Variants in GLI2 observed in about 807,000 individuals in gnomAD.
GLI2 encodes transcription activator GLI2.
A neutral mutation model predicts 78.9 loss-of-function variants in GLI2; 22 were observed. That is an observed-to-expected ratio of 0.28 (90% CI 0.20 to 0.40). The LOEUF (loss-of-function observed/expected upper bound fraction) is 0.40, where lower values mean the gene tolerates loss of function less well. Among genes scored for constraint, GLI2 ranks in the 10% least tolerant of loss-of-function variants. The pLI, the probability that GLI2 is intolerant of heterozygous loss-of-function variation, is 1.00. For missense variants in GLI2, 2,097 were observed against 2,213.2 expected (o/e 0.95, Z 1.05); for synonymous variants, 974 against 963.7 (o/e 1.01, Z -0.20).
chr2:120,944,556 C>T (rs370024305), intron 3 of GLI2, among the ~76,000 whole-genome samples: 2 of 152,226 alleles, frequency 1.3e-5, no homozygotes, highest in South Asian at 4.1e-4. Flanking sequence ...TGGGGATCAG[C>T]TGAAATTAGG....
At chr2:120,837,101 A>T (rs951776220) in intron 2 of GLI2, among the ~76,000 whole-genome samples, 3 of 152,210 alleles carry the variant, frequency 2.0e-5, no homozygotes, top group African/African-American at 7.2e-5. Context: ...AATCTTAAAA[A>T]TCTTAATCTT....
At chr2:120,872,588 C>A (rs528015616) in intron 2 of GLI2, among the ~76,000 whole-genome samples, 41 of 152,340 alleles carry the variant, frequency 2.7e-4, no homozygotes, top group Non-Finnish European at 5.9e-5. Context: ...CTGGAAGAGT[C>A]CACAGGGAAG....
intron 3 of GLI2, among the ~76,000 whole-genome samples, 197 bp downstream of exon 3, chr2:120,927,663 C>T (rs1223493639): frequency 6.6e-6 from 1 of 152,226 alleles, no homozygotes; most frequent in Non-Finnish European, 1.5e-5. Context: ...AGTGTATAAA[C>T]ACCAACCACC....
At chr2:120,860,408 C>G (rs1036213588) in intron 2 of GLI2, among the ~76,000 whole-genome samples, 2 of 152,172 alleles carry the variant, frequency 1.3e-5, no homozygotes, top group African/African-American at 4.8e-5. Flanking sequence ...TCTCAGGCCC[C>G]CAACACAGGC....
intron 3 of GLI2, among the ~76,000 whole-genome samples, chr2:120,935,715 C>A (rs529935669): frequency 2.0e-5 from 3 of 152,212 alleles, no homozygotes; most frequent in Non-Finnish European, 4.4e-5. Flanking sequence ...TTTGACCCCC[C>A]ACCCCTTGCT....
chr2:120,912,706 C>T (rs557411658), intron 2 of GLI2, among the ~76,000 whole-genome samples: 35 of 152,184 alleles, frequency 2.3e-4, no homozygotes, highest in Non-Finnish European at 4.3e-4. Flanking sequence ...CTCATGACCC[C>T]GGCATGGGCT....
intron 1 of GLI2, among the ~76,000 whole-genome samples, chr2:120,749,914 G>C (rs1682813258): frequency 6.6e-6 from 1 of 152,214 alleles, no homozygotes; most frequent in Non-Finnish European, 1.5e-5. Context: ...GATGCAGTCA[G>C]TATTATCACT....
chr2:120,838,081 T>A (rs1686700588), intron 2 of GLI2, among the ~76,000 whole-genome samples: 1 of 152,238 alleles, frequency 6.6e-6, no homozygotes, highest in African/African-American at 2.4e-5. Context: ...AAGATTGCCA[T>A]CTTTGTCATT....
intron 2 of GLI2, among the ~76,000 whole-genome samples, chr2:120,812,901 G>A (rs1685322946): frequency 1.3e-5 from 2 of 152,210 alleles, no homozygotes; most frequent in East Asian, 3.9e-4. Context: ...GTGAGGGCGA[G>A]AGTCTTCTCT....
rs372740091 is a variant in GLI2, at chr2:120,990,682, G to A, written c.*7G>A. On this transcript the variant is annotated 3_prime_UTR_variant, in exon 14 of 14. Coordinates refer to ENST00000361492, the MANE Select transcript of GLI2 (RefSeq NM_001374353.1). ...CCTGAACATGATGACCTAGAGGCCC[G>A]AGCGCCTGGTGCTGAGTGCACCCGG... The A allele has an allele frequency of 4.2e-5, 67 of 1,609,388 alleles. No homozygotes were observed. The highest frequency in any genetic ancestry group is 1.6e-4 in the Middle Eastern group (1 of 6,076).
intron 2 of GLI2, among the ~76,000 whole-genome samples, chr2:120,906,728 G>A (rs1454001665): frequency 6.6e-6 from 1 of 152,052 alleles, no homozygotes; most frequent in Non-Finnish European, 1.5e-5. Flanking sequence ...CCTCAAAACA[G>A]GCCTTCTCCC....
At chr2:120,748,557 G>A (rs889170493) in intron 1 of GLI2, among the ~76,000 whole-genome samples, 3 of 152,176 alleles carry the variant, frequency 2.0e-5, no homozygotes, top group Non-Finnish European at 2.9e-5. Flanking sequence ...CCTCCAAGGG[G>A]TGGCTTTGTG....
intron 2 of GLI2, among the ~76,000 whole-genome samples, chr2:120,926,024 G>A (rs1450403686): frequency 8.7e-6 from 1 of 115,088 alleles, no homozygotes; most frequent in Non-Finnish European, 1.6e-5. Context: ...AGTGAGCCGA[G>A]ATCGCTCCAC....
intron 2 of GLI2, among the ~76,000 whole-genome samples, chr2:120,893,579 C>T (rs1677785199): frequency 6.8e-6 from 1 of 147,938 alleles, no homozygotes; most frequent in Non-Finnish European, 1.5e-5. Flanking sequence ...CAGAGCCGGC[C>T]AAGAATGAGT....
chr2:120,842,666 G>T (rs1033792613), intron 2 of GLI2, among the ~76,000 whole-genome samples: 1 of 152,216 alleles, frequency 6.6e-6, no homozygotes, highest in Non-Finnish European at 1.5e-5. Flanking sequence ...CCCACATGGC[G>T]TGGGCTGGCC....
At chr2:120,916,831 A>G (rs1255628237) in intron 2 of GLI2, among the ~76,000 whole-genome samples, 1 of 152,186 alleles carries the variant, frequency 6.6e-6, no homozygotes, top group African/African-American at 2.4e-5. Context: ...TGTGTATGTC[A>G]AGGCCATATT....
chr2:120,983,936 TG>T (rs893041424), intron 11 of GLI2, among the ~76,000 whole-genome samples: 7 of 89,558 alleles, frequency 7.8e-5, no homozygotes, highest in African/African-American at 2.3e-4. Context: ...TCTGTAGACG[TG>T]GTGTGTGGGG....
intron 3 of GLI2, among the ~76,000 whole-genome samples, chr2:120,935,788 G>A (rs762198210): frequency 3.3e-5 from 5 of 152,196 alleles, no homozygotes; most frequent in African/African-American, 7.2e-5. Flanking sequence ...GCTGGGCTGC[G>A]TGGGACAGAC....
In GLI2 at chr2:120,989,932, G is replaced by C. The variant is rs759453086; in HGVS notation, c.3967G>C (p.Val1323Leu). 1.9e-5 allele frequency: 31 copies of C among 1,611,870 alleles called. No homozygotes were observed. The Admixed American group carries it at 2.7e-4, about 14-fold the overall frequency. The change falls in exon 14 of 14, where the codon GTC becomes CTC. Residue 1323 changes from valine to leucine, a missense_variant. Transcript: ENST00000361492. ...ASMSQEGYHQ[V>L]PSLLPARQPG... ...CATGAGCCAGGAGGGCTACCACCAG[G>C]TCCCCAGCCTTCTGCCTGCCCGCCA...
Sources: gnomAD v4.1 joint callset for allele counts (sites outside exome capture counted in the v4.1 genomes callset) on GRCh38, gnomAD v4.1.1 for gene constraint, MANE v1.5 for transcripts, NCBI Gene and HGNC (gene_info 2026-07-23, HGNC 2026-07-21) for gene names.